SNX6: variants seen among roughly 807,000 people sequenced by gnomAD.
SNX6 encodes the protein sorting nexin-6.
A neutral mutation model predicts 63.0 loss-of-function variants in SNX6; 34 were observed. The observed-to-expected ratio is 0.54, with a 90% CI of 0.41 to 0.72. The LOEUF is 0.72. Ranked by LOEUF, SNX6 falls within the 30% of genes least tolerant of loss-of-function variation. The probability of loss-of-function intolerance (pLI) is 0.00; values close to 1 mark genes in which losing one functional copy is unlikely to be tolerated. For missense variants in SNX6, 398 were observed against 471.4 expected (o/e 0.84, Z 1.44); for synonymous variants, 170 against 164.2 (o/e 1.04, Z -0.27).
chr14:34,580,257 G>A (rs546463563), intron 10 of SNX6, among the ~76,000 whole-genome samples: 1 of 152,320 alleles, frequency 6.6e-6, no homozygotes, highest in East Asian at 1.9e-4. Context: ...AAAGGCAGCT[G>A]AGGAGATGAG....
intron 2 of SNX6, among the ~76,000 whole-genome samples, chr14:34,614,001 G>C (rs548713879): frequency 6.6e-6 from 1 of 151,590 alleles, no homozygotes; most frequent in Non-Finnish European, 1.5e-5. Flanking sequence ...CCAGCTACTC[G>C]GGAGGCTGAG....
intron 6 of SNX6, among the ~76,000 whole-genome samples, chr14:34,597,860 C>T (rs1320029072): frequency 6.6e-6 from 1 of 152,154 alleles, no homozygotes; most frequent in Non-Finnish European, 1.5e-5. Context: ...CTCAAAGATT[C>T]AGGTTCAGCT....
intron 7 of SNX6, among the ~76,000 whole-genome samples, 187 bp from the exon 8 acceptor site, chr14:34,593,337 ATCT>A: frequency 6.6e-6 from 1 of 151,960 alleles, no homozygotes; most frequent in Non-Finnish European, 1.5e-5. Context: ...CAAGTAAGAA[ATCT>A]TCTATGACTT....
intron 4 of SNX6, among the ~76,000 whole-genome samples, chr14:34,606,270 G>A (rs1027012510): frequency 4.1e-5 from 6 of 147,928 alleles, no homozygotes; most frequent in Admixed American, 6.8e-5. Context: ...ATAAGCGCAC[G>A]ACACCACGCC....
chr14:34,578,808 G>A (rs563981333), intron 10 of SNX6, among the ~76,000 whole-genome samples: 29 of 150,356 alleles, frequency 1.9e-4, no homozygotes, highest in African/African-American at 5.6e-4. Flanking sequence ...GCATGGAGGC[G>A]TGCACCTGTA....
chr14:34,596,582 G>C (rs1882606868), intron 7 of SNX6, among the ~76,000 whole-genome samples: 1 of 146,678 alleles, frequency 6.8e-6, no homozygotes, highest in Admixed American at 6.9e-5. Context: ...TTATGCCACT[G>C]CACTCCAGCC....
At chr14:34,615,163 G>C (rs149649162) in intron 2 of SNX6, among the ~76,000 whole-genome samples, 1 of 151,462 alleles carries the variant, frequency 6.6e-6, no homozygotes, top group African/African-American at 2.4e-5. Context: ...TTCTTAAATG[G>C]TAACTTTTAT....
intron 13 of SNX6, among the ~76,000 whole-genome samples, chr14:34,564,975 C>T (rs1440740043): frequency 6.6e-6 from 1 of 151,968 alleles, no homozygotes; most frequent in Non-Finnish European, 1.5e-5. Context: ...ATAAAAGCAG[C>T]CACAAGCATA....
At chr14:34,564,209 G>A (rs1046075768) in intron 13 of SNX6, among the ~76,000 whole-genome samples, 9 of 152,000 alleles carry the variant, frequency 5.9e-5, no homozygotes, top group Non-Finnish European at 1.2e-4. Flanking sequence ...TGTATTTTTA[G>A]TAGAGACGGG....
At chr14:34,626,432 A>G (rs1386820462) in intron 2 of SNX6, among the ~76,000 whole-genome samples, 1 of 151,738 alleles carries the variant, frequency 6.6e-6, no homozygotes, top group Non-Finnish European at 1.5e-5. Context: ...AGGCAGGCAG[A>G]TCACAACGTC....
At chr14:34,575,919 GTTGTTTTT>G in intron 10 of SNX6, 77 bp from the exon 11 acceptor site, 1 of 862,728 alleles carries the variant, frequency 1.2e-6, no homozygotes, top group Non-Finnish European at 1.7e-6. Context: ...TTTTGTTGTT[GTTGTTTTT>G]TTGTTTTTTT....
chr14:34,603,074 G>T (rs1013672229), intron 6 of SNX6, among the ~76,000 whole-genome samples: 2 of 151,194 alleles, frequency 1.3e-5, no homozygotes, highest in African/African-American at 4.9e-5. Context: ...TCAGGAGATC[G>T]AGACCATTCT....
chr14:34,629,922 T>G lies in SNX6; in HGVS notation c.39A>C (p.Ser13=), dbSNP rs753101971. The G allele has an allele frequency of 6.4e-7, 1 of 1,553,198 alleles. No individual in the cohort carries two copies. Among genetic ancestry groups the G allele is most frequent in the African/African-American group, 1.4e-5 (1 of 72,942 alleles). Reference sequence around the variant, plus strand: ...CAGAACTTACTCCGCGGTCCTCTTCTGAGAGGAAGTCCGGGCCGTCGTCCA... The same window carrying G: ...CAGAACTTACTCCGCGGTCCTCTTCGGAGAGGAAGTCCGGGCCGTCGTCCA... The part of the protein sequence containing the change: ...EGLDDGPDFL[S]EEDRGLKAIN... Residue 13 remains serine (S), a synonymous_variant, in exon 2 of 14, where the codon TCA becomes TCC. Coordinates refer to ENST00000362031, the MANE Select transcript of SNX6 (RefSeq NM_152233.4).
intron 6 of SNX6, among the ~76,000 whole-genome samples, chr14:34,602,590 CAAAAAAA>C (rs200915421): frequency 8.6e-6 from 1 of 116,154 alleles, no homozygotes; most frequent in South Asian, 2.8e-4. Context: ...GACTCTGTCT[CAAAAAAA>C]AAAAAAAAAA....
rs201442232 is a variant in SNX6, at chr14:34,567,934, T to C, written c.1001A>G (p.Asn334Ser). 6.8e-6 allele frequency: 11 copies of C among 1,613,320 alleles called. No individual in the cohort carries two copies. In the African/African-American group the frequency reaches 9.3e-5, roughly 14 times the overall value. Reference protein sequence around the residue: ...NKALDKARAKNKDVLQAETSQ... With the variant: ...NKALDKARAKSKDVLQAETSQ... ...AGTTTCGGCCTGTAGAACATCTTTA[T>C]TTTTTGCTCTTGCTTTATCCAGTGC... Residue 334 changes from asparagine (N) to serine (S), a missense_variant, in exon 12 of 14, where the codon AAT becomes AGT. Transcript: ENST00000362031.
At chr14:34,614,481 A>G (rs1424759539) in intron 2 of SNX6, among the ~76,000 whole-genome samples, 1 of 151,854 alleles carries the variant, frequency 6.6e-6, no homozygotes, top group Non-Finnish European at 1.5e-5. Flanking sequence ...ACAGAATCCC[A>G]GGCCTATCAA....
At chr14:34,569,430 T>TG (rs905768135) in intron 11 of SNX6, among the ~76,000 whole-genome samples, 50 of 152,098 alleles carry the variant, frequency 3.3e-4, no homozygotes, top group Admixed American at 8.5e-4. Flanking sequence ...TGTTTTTTTT[T>TG]TTTGTTTTTT....
In SNX6 at chr14:34,608,030, G is replaced by T; in HGVS notation, c.270C>A (p.Ile90=). The part of the protein sequence containing the change: ...FVENEDYAGY[I]IPPAPPRPDF... ...ATTAAAATGGAGTCTCAATACTTAC[G>T]ATATAACCTGCATAGTCTTCATTTT... The change falls in exon 4 of 14, where the codon ATC becomes ATA. Residue 90 remains isoleucine (I), a splice_region_variant and synonymous_variant. Transcript: ENST00000362031. 1 of 1,511,566 alleles carries T rather than the reference G, an allele frequency of 6.6e-7. No homozygotes were observed. Among genetic ancestry groups the T allele is most frequent in the Non-Finnish European group, 9.1e-7 (1 of 1,099,328 alleles). The allele number at this position is 1,511,566 out of a possible 1,614,324, so 93.6% of individuals were successfully genotyped here.
chr14:34,612,235 C>A (rs994698992), intron 2 of SNX6, among the ~76,000 whole-genome samples: 1 of 152,166 alleles, frequency 6.6e-6, no homozygotes, highest in African/African-American at 2.4e-5. Context: ...GCCACTGAGC[C>A]AGGCCAGGCC....
Sources: allele counts gnomAD v4.1 joint callset (sites outside exome capture counted in the v4.1 genomes callset), GRCh38; gene constraint gnomAD v4.1.1; transcripts MANE v1.5; gene names NCBI Gene and HGNC (gene_info 2026-07-23, HGNC 2026-07-21).